CFAP299: variants seen among roughly 807,000 people sequenced by gnomAD.
CFAP299 encodes cilia and flagella associated protein 299, also known as cilia- and flagella-associated protein 299.
In CFAP299, 21 loss-of-function variants were observed where a neutral mutation model predicts 27.0. That is an observed-to-expected ratio of 0.78 (90% CI 0.55 to 1.12). The LOEUF is 1.12. Ranked by LOEUF, CFAP299 falls within the 50% of genes most tolerant of loss-of-function variation. The pLI is 0.00. For synonymous variants in CFAP299, 104 were observed against 98.1 expected (o/e 1.06, Z -0.36); for missense variants, 310 against 276.6 (o/e 1.12, Z -0.86).
chr4:80,475,202 T>G (rs1730214404), intron 2 of CFAP299, among the ~76,000 whole-genome samples: 1 of 152,144 alleles, frequency 6.6e-6, no homozygotes, highest in Non-Finnish European at 1.5e-5. Context: ...ATGTAAAGAT[T>G]TAGCTTAGAA....
chr4:80,768,414 A>G (rs992756816), intron 3 of CFAP299, among the ~76,000 whole-genome samples: 1 of 152,240 alleles, frequency 6.6e-6, no homozygotes, highest in Non-Finnish European at 1.5e-5. Context: ...CATCAAACAC[A>G]TAACATATTT....
At chr4:80,771,938 C>A (rs904171750) in intron 3 of CFAP299, among the ~76,000 whole-genome samples, 1 of 152,072 alleles carries the variant, frequency 6.6e-6, no homozygotes, top group Admixed American at 6.5e-5. Context: ...ACAGACCCAG[C>A]CTAGAATTTT....
At chr4:80,933,413 G>C (rs1196606089) in intron 4 of CFAP299, among the ~76,000 whole-genome samples, 6 of 151,996 alleles carry the variant, frequency 3.9e-5, no homozygotes, top group Non-Finnish European at 5.9e-5. Flanking sequence ...TTTCTGTCGG[G>C]CTTTTTTCAC....
intron 3 of CFAP299, among the ~76,000 whole-genome samples, chr4:80,793,826 C>T (rs568885836): frequency 6.6e-6 from 1 of 152,272 alleles, no homozygotes; most frequent in African/African-American, 2.4e-5. Flanking sequence ...CTCCTCATGA[C>T]TCATTTCTGC....
chr4:80,772,773 C>A (rs185829783), intron 3 of CFAP299, among the ~76,000 whole-genome samples: 3 of 152,164 alleles, frequency 2.0e-5, no homozygotes, highest in African/African-American at 7.2e-5. Flanking sequence ...TCCATGTGTT[C>A]TCATTGTGCA....
intron 2 of CFAP299, among the ~76,000 whole-genome samples, chr4:80,551,801 G>T (rs1489607134): frequency 6.6e-6 from 1 of 151,372 alleles, no homozygotes; most frequent in Non-Finnish European, 1.5e-5. Context: ...AGGCTGGAAT[G>T]CAGTGGTGCA....
chr4:80,854,106 G>C (rs1731687347), intron 3 of CFAP299, among the ~76,000 whole-genome samples: 1 of 152,168 alleles, frequency 6.6e-6, no homozygotes, highest in South Asian at 2.1e-4. Context: ...AGAAGAGATT[G>C]AAGAAGCAGA....
intron 2 of CFAP299, among the ~76,000 whole-genome samples, chr4:80,537,497 A>G (rs368804217): frequency 6.6e-6 from 1 of 152,192 alleles, no homozygotes; most frequent in African/African-American, 2.4e-5. Context: ...ACAGATTACT[A>G]TTCAGCCTTA....
At chr4:80,734,201 A>C (rs191521335) in intron 3 of CFAP299, among the ~76,000 whole-genome samples, 1 of 152,202 alleles carries the variant, frequency 6.6e-6, no homozygotes, top group African/African-American at 2.4e-5. Context: ...TTTGATTTGC[A>C]TTTCTCTGAT....
chr4:80,327,711 T>TATATAA, the CFAP299 span, among the ~76,000 whole-genome samples: 1 of 136,072 alleles, frequency 7.3e-6, no homozygotes, highest in African/African-American at 3.1e-5. Flanking sequence ...TATATATATA[T>TATATAA]ATATATATAT....
At chr4:80,688,168 C>T (rs552558052) in intron 3 of CFAP299, among the ~76,000 whole-genome samples, 6 of 152,332 alleles carry the variant, frequency 3.9e-5, no homozygotes, top group Non-Finnish European at 7.3e-5. Flanking sequence ...CCGGGAAGCT[C>T]GAACAGAGTG....
At chr4:80,793,581 CAAT>C (rs969623457) in intron 3 of CFAP299, among the ~76,000 whole-genome samples, 6 of 152,048 alleles carry the variant, frequency 3.9e-5, no homozygotes, top group African/African-American at 1.4e-4. Context: ...CAAATAAAGA[CAAT>C]AATAAGGTCA....
intron 2 of CFAP299, among the ~76,000 whole-genome samples, chr4:80,396,614 T>C (rs532164185): frequency 2.0e-5 from 3 of 152,316 alleles, no homozygotes; most frequent in East Asian, 3.8e-4. Context: ...GATTTCTTTT[T>C]AAAATTTAAA....
In CFAP299 at chr4:80,335,793, G is replaced by T. The variant is rs1304814665; in HGVS notation, c.25G>T (p.Ala9Ser). ...AATGGATCAGGAAGAGGGGCTGAAG[G>T]CCTTGGACAATATTGTCACTCAATT... MDQEEGLK[A>S]LDNIVTQFNA... is the part of the protein sequence containing the mutation. Residue 9 changes from alanine (A) to serine (S), a missense_variant, in exon 1 of 6, where the codon GCC (alanine) becomes TCC (serine). Coordinates refer to ENST00000358105, the MANE Select transcript of CFAP299 (RefSeq NM_152770.3). 6.2e-7 allele frequency: 1 copy of T among 1,613,194 alleles called. No homozygotes were observed. The highest frequency in any genetic ancestry group is 8.5e-7 in the Non-Finnish European group (1 of 1,179,266).
chr4:80,670,381 C>G (rs1486217146), intron 3 of CFAP299, among the ~76,000 whole-genome samples: 1 of 152,040 alleles, frequency 6.6e-6, no homozygotes, highest in Non-Finnish European at 1.5e-5. Context: ...CTTAAGCTAG[C>G]CTATCATTGA....
At chr4:80,800,034 TATA>T (rs1304436348) in intron 3 of CFAP299, among the ~76,000 whole-genome samples, 2 of 55,090 alleles carry the variant, frequency 3.6e-5, no homozygotes. Flanking sequence ...ATATATAATA[TATA>T]ATAATATATA....
intron 3 of CFAP299, among the ~76,000 whole-genome samples, chr4:80,591,120 T>TTA (rs1736741566): frequency 5.3e-5 from 7 of 133,158 alleles, no homozygotes; most frequent in Non-Finnish European, 9.7e-5. Context: ...TTTTTTTTTT[T>TTA]TTTTTTTTTT....
chr4:80,910,643 A>G (rs1459917362), intron 4 of CFAP299, among the ~76,000 whole-genome samples: 1 of 152,144 alleles, frequency 6.6e-6, no homozygotes, highest in Non-Finnish European at 1.5e-5. Flanking sequence ...GGACACAAAG[A>G]GGACAACAAT....
chr4:80,428,125 T>A (rs1257677254), intron 2 of CFAP299, among the ~76,000 whole-genome samples: 2 of 152,120 alleles, frequency 1.3e-5, no homozygotes, highest in Non-Finnish European at 2.9e-5. Context: ...TTTGGCAGAG[T>A]TTGTAGAGTG....
Sources: allele counts gnomAD v4.1 joint callset (sites outside exome capture counted in the v4.1 genomes callset), GRCh38; gene constraint gnomAD v4.1.1; transcripts MANE v1.5; gene names NCBI Gene and HGNC (gene_info 2026-07-23, HGNC 2026-07-21).